The following CIB1 variants were observed in gnomAD, a reference collection of about 807,000 sequenced individuals.
CIB1 encodes the protein calcium and integrin binding 1.
CIB1 carries 19 observed loss-of-function variants against 25.0 expected under a neutral mutation model. The ratio of observed to expected loss-of-function variants is 0.76; its 90% confidence interval spans 0.53 to 1.12. The LOEUF is 1.12. Ranked by LOEUF, CIB1 falls within the 50% of genes most tolerant of loss-of-function variation. CIB1 has a pLI of 0.00. For missense variants in CIB1, 236 were observed against 242.6 expected (o/e 0.97, Z 0.18); for synonymous variants, 104 against 98.5 (o/e 1.06, Z -0.33).
chr15:90,243,476 A>C, the CIB1 span: 1 of 150,990 alleles, frequency 6.6e-6, no homozygotes, highest in East Asian at 2.0e-4. Flanking sequence ...CCCCCTGAGT[A>C]GCTGGGACGA....
upstream of CIB1, chr15:90,238,352 C>A (rs1962678929): frequency 6.6e-6 from 1 of 152,182 alleles, no homozygotes. Context: ...TCGTGTTAAG[C>A]ACATTCACGA....
chr15:90,254,176 G>C, the CIB1 span, among the ~76,000 whole-genome samples: 2 of 140,364 alleles, frequency 1.4e-5, no homozygotes, highest in South Asian at 2.5e-4. Flanking sequence ...CTGTGTGACA[G>C]AGTGAGACCC....
the CIB1 span, chr15:90,265,067 T>A: frequency 7.1e-7 from 1 of 1,404,826 alleles, no homozygotes; most frequent in Non-Finnish European, 9.4e-7. Flanking sequence ...AAGTTCCACT[T>A]TGAAAAGCCC....
intron 2 of CIB1, among the ~76,000 whole-genome samples, chr15:90,232,763 G>A (rs866254459): frequency 3.9e-5 from 6 of 151,942 alleles, no homozygotes; most frequent in Admixed American, 2.0e-4. Context: ...AAAATTAGCC[G>A]GGCATGGTGG....
chr15:90,246,145 C>G, the CIB1 span, among the ~76,000 whole-genome samples: 2 of 152,008 alleles, frequency 1.3e-5, no homozygotes, highest in Admixed American at 6.6e-5. Context: ...TGGTGGCATG[C>G]GCCTGTAATC....
the CIB1 span, chr15:90,258,306 C>G: frequency 6.4e-7 from 1 of 1,573,126 alleles, no homozygotes; most frequent in African/African-American, 1.3e-5. Flanking sequence ...AAACCAAGGT[C>G]CAGAGGCCTC....
the CIB1 span, chr15:90,245,481 A>AAAAG: frequency 4.6e-5 from 7 of 151,906 alleles, no homozygotes; most frequent in East Asian, 1.9e-4. Flanking sequence ...TCAAAAAAAA[A>AAAAG]AAAAAAGAAA....
At chr15:90,241,877 G>A in the CIB1 span, 1 of 1,614,144 alleles carries the variant, frequency 6.2e-7, no homozygotes, top group Middle Eastern at 1.6e-4. Flanking sequence ...TTGGGATAAA[G>A]GACGGTGAAG....
upstream of CIB1, among the ~76,000 whole-genome samples, chr15:90,236,817 C>T (rs946953062): frequency 7.9e-5 from 12 of 151,890 alleles, no homozygotes; most frequent in African/African-American, 2.9e-4. Context: ...CCACCACGCC[C>T]GGCCTCTCAT....
chr15:90,238,864 A>C (rs2063738), upstream of CIB1, among the ~76,000 whole-genome samples: 75,080 of 151,956 alleles, frequency 0.49, 19,309 homozygotes, highest in East Asian at 0.69. Flanking sequence ...TGGTGTGTAT[A>C]AAAAATCTGA....
At chr15:90,250,593 C>T in the CIB1 span, 3 of 1,598,346 alleles carry the variant, frequency 1.9e-6, no homozygotes, top group South Asian at 1.1e-5. Context: ...CTGATATACA[C>T]TTCATTCCCA....
At chr15:90,240,916 T>G in the CIB1 span, 12 of 1,612,804 alleles carry the variant, frequency 7.4e-6, no homozygotes, top group East Asian at 1.3e-4. Flanking sequence ...TCTATGGCTC[T>G]TCCACATGAT....
chr15:90,263,978 C>A, the CIB1 span: 8 of 1,536,030 alleles, frequency 5.2e-6, no homozygotes, highest in Non-Finnish European at 7.0e-6. Context: ...GGAGAGCCGG[C>A]AGCCATCAAC....
the CIB1 span, among the ~76,000 whole-genome samples, chr15:90,252,371 G>A: frequency 1.3e-5 from 2 of 151,804 alleles, no homozygotes; most frequent in Non-Finnish European, 1.5e-5. Flanking sequence ...TGTAGAGACA[G>A]AGTCTTGCTA....
At chr15:90,247,119 G>T in the CIB1 span, among the ~76,000 whole-genome samples, 1 of 151,950 alleles carries the variant, frequency 6.6e-6, no homozygotes, top group East Asian at 2.0e-4. Context: ...GAGACTACAG[G>T]CGTGCGCCAC....
chr15:90,242,021 C>G, the CIB1 span: 1 of 1,613,774 alleles, frequency 6.2e-7, no homozygotes, highest in Non-Finnish European at 8.5e-7. Flanking sequence ...AGGCAGAAGA[C>G]GTACAGGCAG....
chr15:90,254,916 CA>C, the CIB1 span, among the ~76,000 whole-genome samples: 2 of 152,206 alleles, frequency 1.3e-5, no homozygotes, highest in African/African-American at 2.4e-5. Flanking sequence ...TACTGTACAA[CA>C]GACTCCGTGT....
chr15:90,258,397 G>A, the CIB1 span: 3 of 816,532 alleles, frequency 3.7e-6, no homozygotes, highest in Non-Finnish European at 6.0e-6. Flanking sequence ...GGGGTGGGCA[G>A]GAATGAGCAG....
chr15:90,250,666 G>A, the CIB1 span: 4 of 1,614,070 alleles, frequency 2.5e-6, no homozygotes, highest in Non-Finnish European at 3.4e-6. Flanking sequence ...TGGAATCAGA[G>A]GAAGACTATG....
Sources: allele counts gnomAD v4.1 joint callset (sites outside exome capture counted in the v4.1 genomes callset), GRCh38; gene constraint gnomAD v4.1.1; transcripts MANE v1.5; gene names NCBI Gene and HGNC (gene_info 2026-07-23, HGNC 2026-07-21).